Variants in ENTPD5 observed in about 807,000 individuals in gnomAD.
ENTPD5 encodes ectonucleoside triphosphate diphosphohydrolase 5 (inactive), also known as nucleoside diphosphate phosphatase ENTPD5.
Under a neutral mutation model 60.2 loss-of-function variants are expected in ENTPD5, and 49 were observed. The observed-to-expected ratio is 0.81, with a 90% confidence interval of 0.65 to 1.03. The LOEUF (loss-of-function observed/expected upper bound fraction) is 1.03, where lower values mean the gene tolerates loss of function less well. Among genes scored for constraint, ENTPD5 ranks in the 50% least tolerant of loss-of-function variants. The probability of loss-of-function intolerance (pLI) is 0.00; values close to 1 mark genes in which losing one functional copy is unlikely to be tolerated. For missense variants in ENTPD5, 480 were observed against 507.6 expected, an observed-to-expected ratio of 0.95 and a Z score of 0.52; for synonymous variants, 187 against 185.4, an observed-to-expected ratio of 1.01 and a Z score of -0.07.
chr14:73,988,199 G>T lies in ENTPD5; in HGVS notation c.-70-27C>A, dbSNP rs543268523. Reference sequence around the variant, plus strand: ...TTATAGGACAAAGACACACAAGTTAGACCAACTAGCTTTTTTAGTTACACC... The same window carrying T: ...TTATAGGACAAAGACACACAAGTTATACCAACTAGCTTTTTTAGTTACACC... On this transcript the variant is annotated intron_variant, in intron 3 of 15. Transcript: ENST00000334696. 6.8e-4 allele frequency: 1,000 copies of T among 1,472,660 alleles called. 1 individual carries two copies. Among genetic ancestry groups the T allele is most frequent in the Non-Finnish European group, 7.9e-4 (880 of 1,111,954 alleles). 91.2% of individuals were successfully genotyped at this position (1,472,660 alleles called of 1,614,324 possible).
At chr14:73,989,423 C>T (rs72627144) in intron 3 of ENTPD5, among the ~76,000 whole-genome samples, 13,623 of 147,276 alleles carry the variant, frequency 0.092, 1,036 homozygotes, top group East Asian at 0.32. Flanking sequence ...TTAGGCCGGG[C>T]GCGGTGGCTC....
At chr14:73,960,687 G>A (rs891426840), downstream of ENTPD5, 12 of 701,832 alleles carry the variant, frequency 1.7e-5, no homozygotes, top group Admixed American at 9.9e-5. Flanking sequence ...AAGGAAGACC[G>A]TAAATGACAA....
rs138011673 is a variant in ENTPD5, at chr14:74,002,950, C to T, written c.-71+8141G>A. Among the ~76,000 whole-genome samples, 80 of 152,336 alleles carry T rather than the reference C, an allele frequency of 5.3e-4. 2 individuals carry two copies. In the East Asian group the frequency reaches 0.014, roughly 28 times the overall value. ...CAACACTGACCTCTGCGCTTATTCA[C>T]TCATGCCCCTGCCTTAGGGCCTTCG... On this transcript the variant is annotated intron_variant, in intron 3 of 15. Transcript: ENST00000334696.
In ENTPD5 at chr14:74,012,956, A is replaced by G. The variant is rs544110616; in HGVS notation, c.-130-1806T>C. Among the ~76,000 whole-genome samples, 5 of 152,314 alleles carry G rather than the reference A, an allele frequency of 3.3e-5. No individual in the cohort carries two copies. In the South Asian group the frequency reaches 1.0e-3, roughly 32 times the overall value. The stretch of plus-strand genomic sequence containing the variant: ...GACAAACTCCCTGTCTGACATTCTA[A>G]GTCATTCACAATGAGTTCCCAGCCT... On this transcript the variant is annotated intron_variant, in intron 2 of 15. Coordinates refer to ENST00000334696, the MANE Select transcript of ENTPD5 (RefSeq NM_001249.5).
downstream of ENTPD5, among the ~76,000 whole-genome samples, chr14:73,957,083 C>CTTA (rs1050220117): frequency 2.1e-4 from 32 of 149,260 alleles, no homozygotes; most frequent in South Asian, 4.2e-4. Flanking sequence ...CTACAGCGAG[C>CTTA]TTATTATTAT....
chr14:73,973,373 T>C (rs2057310924), intron 12 of ENTPD5, among the ~76,000 whole-genome samples: 1 of 152,252 alleles, frequency 6.6e-6, no homozygotes, highest in African/African-American at 2.4e-5. Context: ...TATTCAGGTA[T>C]ATACCTTTTA....
intron 3 of ENTPD5, chr14:74,003,380 T>C (rs2058569187): frequency 4.5e-6 from 3 of 666,078 alleles, no homozygotes; most frequent in African/African-American, 1.8e-5. Flanking sequence ...GCCATTTTCT[T>C]GGAAACCTCT....
chr14:74,001,200 A>G (rs2058494386), intron 3 of ENTPD5, among the ~76,000 whole-genome samples: 1 of 152,004 alleles, frequency 6.6e-6, no homozygotes, highest in South Asian at 2.1e-4. Context: ...TCTACAAAAT[A>G]TTAAAAAATT....
intron 11 of ENTPD5, 95 bp from the exon 12 acceptor site, chr14:73,974,073 G>A (rs2057340170): frequency 1.0e-6 from 1 of 966,654 alleles, no homozygotes; most frequent in Non-Finnish European, 1.6e-6. Flanking sequence ...GAATCACCAT[G>A]GGGGCTGGGC....
rs2056860583 is a variant in ENTPD5, at chr14:73,963,739, GGTCTC to G, written c.*3184_*3188del. The stretch of plus-strand genomic sequence containing the variant: ...GAGTTTTACTGTGGGTTTTTGAAGA[GGTCTC>G]GTCACAAGACCAGAGATGCCTCTTG... On this transcript the variant is annotated 3_prime_UTR_variant, in exon 16 of 16. Coordinates refer to ENST00000334696, the MANE Select transcript of ENTPD5 (RefSeq NM_001249.5). The G allele has an allele frequency of 6.6e-6, 1 of 152,400 alleles. No homozygotes were observed. Among genetic ancestry groups the G allele is most frequent in the South Asian group, 2.1e-4 (1 of 4,838 alleles). The allele number at this position is 152,400 out of a possible 1,614,324, so 9.4% of individuals were successfully genotyped here.
At chr14:73,961,293 G>A (rs2056717900), downstream of ENTPD5, 2 of 1,614,092 alleles carry the variant, frequency 1.2e-6, no homozygotes, top group South Asian at 1.1e-5. Flanking sequence ...CGTAGCCAGG[G>A]TGGATGCCAA....
At chr14:74,015,768 C>T (rs943937082) in intron 2 of ENTPD5, 56 bp downstream of exon 2, 3 of 152,006 alleles carry the variant, frequency 2.0e-5, no homozygotes, top group Admixed American at 6.6e-5. Flanking sequence ...AAAAGAAAAC[C>T]ACCATTCAGG....
At chr14:74,000,154 G>GC (rs1190615408) in intron 3 of ENTPD5, among the ~76,000 whole-genome samples, 2 of 150,474 alleles carry the variant, frequency 1.3e-5, no homozygotes, top group Admixed American at 1.3e-4. Context: ...ATTTGGAAAC[G>GC]CATCAAGAAA....
intron 3 of ENTPD5, among the ~76,000 whole-genome samples, chr14:74,003,988 C>G (rs542338488): frequency 2.4e-4 from 36 of 151,564 alleles, no homozygotes; most frequent in African/African-American, 8.8e-4. Context: ...ACTTGCAGTC[C>G]CAGCTACTTG....
chr14:74,010,033 G>A (rs973173437), intron 3 of ENTPD5, among the ~76,000 whole-genome samples: 3 of 152,144 alleles, frequency 2.0e-5, no homozygotes, highest in Non-Finnish European at 2.9e-5. Context: ...CTCGTGATCC[G>A]CCTGCCTCGG....
chr14:74,001,321 T>C lies in ENTPD5; in HGVS notation c.-71+9770A>G, dbSNP rs546421836. ...ATCGAGACCATCCTGGTTAACACGG[T>C]GAAATCCCGTCTCTACTAAAAATAC... On this transcript the variant is annotated intron_variant, in intron 3 of 15. Transcript: ENST00000334696. Among the ~76,000 whole-genome samples, 9 of 152,138 alleles carry C rather than the reference T, an allele frequency of 5.9e-5. 1 individual carries two copies. The highest frequency in any genetic ancestry group is 2.2e-4 in the African/African-American group (9 of 41,468).
intron 3 of ENTPD5, among the ~76,000 whole-genome samples, chr14:73,991,610 A>AC (rs2058134177): frequency 1.3e-5 from 1 of 78,396 alleles, no homozygotes; most frequent in Non-Finnish European, 3.5e-5. Flanking sequence ...ACAATAACCA[A>AC]AAAAAAAAAA....
intron 3 of ENTPD5, among the ~76,000 whole-genome samples, chr14:74,000,767 G>C (rs1004443070): frequency 3.3e-5 from 5 of 151,904 alleles, no homozygotes; most frequent in African/African-American, 4.8e-5. Context: ...AACAGAGCAA[G>C]AACCTGTCTC....
At chr14:74,000,727 G>A (rs948283411) in intron 3 of ENTPD5, among the ~76,000 whole-genome samples, 4 of 151,680 alleles carry the variant, frequency 2.6e-5, no homozygotes, top group Non-Finnish European at 4.4e-5. Flanking sequence ...GCAGGGAGCC[G>A]AGATCATGCC....
Sources: allele counts gnomAD v4.1 joint callset (sites outside exome capture counted in the v4.1 genomes callset), GRCh38; gene constraint gnomAD v4.1.1; transcripts MANE v1.5; gene names NCBI Gene and HGNC (gene_info 2026-07-23, HGNC 2026-07-21).